The following BRME1 variants were observed in gnomAD, a reference collection of about 807,000 sequenced individuals.
BRME1 encodes the protein BRCA2 and MEILB2-associating protein 1.
A neutral mutation model predicts 52.6 loss-of-function variants in BRME1; 31 were observed. The ratio of observed to expected loss-of-function variants is 0.59; its 90% CI spans 0.44 to 0.80. BRME1 has a LOEUF of 0.80. Ranked by LOEUF, BRME1 falls within the 30% of genes least tolerant of loss-of-function variation. BRME1 has a pLI of 0.00. For missense variants in BRME1, 804 were observed against 860.3 expected (o/e 0.93, Z 0.82); for synonymous variants, 359 against 353.6 (o/e 1.02, Z -0.17).
chr19:13,901,176 T>C (rs1970270094), intron 2 of BRME1, among the ~76,000 whole-genome samples: 1 of 151,300 alleles, frequency 6.6e-6, no homozygotes, highest in Non-Finnish European at 1.5e-5. Context: ...TGGGTAACAT[T>C]ATGTTGCTCA....
intron 3 of BRME1, among the ~76,000 whole-genome samples, chr19:13,894,913 C>T (rs929578647): frequency 1.3e-5 from 2 of 152,034 alleles, no homozygotes; most frequent in African/African-American, 4.8e-5. Context: ...GATGGAGTCT[C>T]GCTGTTGCCC....
intron 3 of BRME1, 107 bp from the exon 4 acceptor site, chr19:13,893,330 G>C: frequency 1.1e-6 from 1 of 901,012 alleles, no homozygotes. Context: ...CCGAGGCCAG[G>C]AGTTCGAGAC....
chr19:13,890,376 C>T lies in BRME1; in HGVS notation c.480G>A (p.Glu160=). 1 of 1,546,944 alleles carries T rather than the reference C, an allele frequency of 6.5e-7. No homozygotes were observed. ...TLGVPLQEAT[E]LGDPTQADSA... is the part of the protein sequence containing the mutation. ...TGTCTGCCTGCGTTGGGTCCCCCAG[C>T]TCCGTGGCCTCCTGGAGGGGGACCC... Residue 160 remains glutamate, a synonymous_variant, in exon 6 of 9, where the codon GAG becomes GAA. Transcript: ENST00000586783.
intron 3 of BRME1, 29 bp from the exon 4 acceptor site, chr19:13,893,252 G>A (rs1242360263): frequency 6.5e-7 from 1 of 1,549,090 alleles, no homozygotes; most frequent in Non-Finnish European, 8.7e-7. Flanking sequence ...AACTGAAGGA[G>A]ATCTGCCCGG....
chr19:13,882,664 T>C lies in BRME1; in HGVS notation c.*138A>G. On this transcript the variant is annotated 3_prime_UTR_variant, in exon 9 of 9. Transcript: ENST00000586783. ...GAGGCCAGGACCTCACGGCCTCCTT[T>C]GTGTTGTCCATGGAAGACCAACTTC... 2.6e-6 allele frequency: 3 copies of C among 1,154,224 alleles called. No homozygotes were observed. The highest frequency in any genetic ancestry group is 2.9e-5 in the South Asian group (2 of 69,156). The allele number at this position is 1,154,224 out of a possible 1,614,324, so 71.5% of individuals were successfully genotyped here.
chr19:13,901,201 T>G (rs546009999), intron 2 of BRME1, among the ~76,000 whole-genome samples: 10 of 151,598 alleles, frequency 6.6e-5, no homozygotes, highest in African/African-American at 2.4e-4. Flanking sequence ...GGTCATGAAC[T>G]CCTGGTCTCA....
At position 13,883,009 on chromosome 19, in the gene BRME1, G is replaced by T; in HGVS notation, c.1857-57C>A. 2 of 1,576,420 alleles carry T rather than the reference G, an allele frequency of 1.3e-6. No homozygotes were observed. The highest frequency in any genetic ancestry group is 1.7e-6 in the Non-Finnish European group (2 of 1,162,652). On this transcript the variant is annotated intron_variant, in intron 8 of 8. Coordinates refer to ENST00000586783, the MANE Select transcript of BRME1 (RefSeq NM_001345843.2). The surrounding 1 kb of genome is among the most constrained non-coding windows in gnomAD (Gnocchi z 4.2). ...CTCAGTGGTCACCAGGTGACAGAGGGGGCCGCGCCTCACAGCCACATGGTC... is the reference window on the plus strand; with the variant it reads ...CTCAGTGGTCACCAGGTGACAGAGGTGGCCGCGCCTCACAGCCACATGGTC...
intron 2 of BRME1, among the ~76,000 whole-genome samples, chr19:13,896,226 C>T (rs141425154): frequency 0.015 from 2,329 of 151,266 alleles, 31 homozygotes; most frequent in Non-Finnish European, 0.022. Flanking sequence ...GCTGAGATTG[C>T]GCTACTGCAC....
At chr19:13,896,430 T>C (rs1181172604) in intron 2 of BRME1, among the ~76,000 whole-genome samples, 1 of 146,898 alleles carries the variant, frequency 6.8e-6, no homozygotes, top group African/African-American at 2.5e-5. Flanking sequence ...GATATATTAA[T>C]ATATTATAAA....
intron 2 of BRME1, among the ~76,000 whole-genome samples, chr19:13,903,393 C>T (rs1242518855): frequency 1.3e-5 from 2 of 152,060 alleles, no homozygotes; most frequent in African/African-American, 4.8e-5. Context: ...AGTCTCTAGG[C>T]CGGGCACGGT....
At chr19:13,901,527 C>T (rs1338794236) in intron 2 of BRME1, among the ~76,000 whole-genome samples, 1 of 151,374 alleles carries the variant, frequency 6.6e-6, no homozygotes, top group Non-Finnish European at 1.5e-5. Flanking sequence ...GGTGAAACCC[C>T]GTCTCTACTA....
In BRME1 at chr19:13,889,431, C is replaced by A. The variant is rs781297249; in HGVS notation, c.1425G>T (p.Val475=). Residue 475 remains valine (V), a synonymous_variant, in exon 6 of 9, where the codon GTG becomes GTT. Coordinates refer to ENST00000586783, the MANE Select transcript of BRME1 (RefSeq NM_001345843.2). Reference sequence around the variant, plus strand: ...CCAGCACAACAGAGGCTTGCGGGGACACACGGAACCCCTCGAGGTCTCGTT... The same window carrying A: ...CCAGCACAACAGAGGCTTGCGGGGAAACACGGAACCCCTCGAGGTCTCGTT... The part of the protein sequence containing the change: ...NLERDLEGFR[V]SPQASVVLEH... 6.2e-7 allele frequency: 1 copy of A among 1,613,996 alleles called. No individual in the cohort carries two copies.
Position 13,883,432 on chromosome 19 carries a change from C to T in BRME1, c.1764-32G>A. ...AGCAGGGAAGGAAATTGAGAGTGGC[C>T]CGACCTCACTGGACTACCAGAGCTC... On this transcript the variant is annotated intron_variant, in intron 7 of 8. Transcript: ENST00000586783. This position sits in a 1 kb window ranked among gnomAD's most constrained non-coding sequence, Gnocchi z 4.2. The T allele has an allele frequency of 1.3e-6, 2 of 1,483,602 alleles. No individual in the cohort carries two copies. The highest frequency in any genetic ancestry group is 1.2e-5 in the South Asian group (1 of 83,046). The allele number at this position is 1,483,602 out of a possible 1,614,324, so 91.9% of individuals were successfully genotyped here. A position where few individuals can be genotyped will look rare whatever the true frequency, so the allele number is the denominator to read the frequency against.
chr19:13,891,720 C>T (rs1195982342), intron 5 of BRME1, among the ~76,000 whole-genome samples: 4 of 151,756 alleles, frequency 2.6e-5, no homozygotes, highest in East Asian at 2.0e-4. Flanking sequence ...CCTCCTGCCT[C>T]GGCCTCCCAA....
intron 2 of BRME1, among the ~76,000 whole-genome samples, chr19:13,898,786 G>A (rs1970088107): frequency 6.6e-6 from 1 of 151,576 alleles, no homozygotes; most frequent in Non-Finnish European, 1.5e-5. Context: ...AGCCGGGCAT[G>A]GTGGCTCATG....
Position 13,904,260 on chromosome 19 carries a change from C to T in BRME1, c.31+602G>A, listed in dbSNP as rs141263487. ...CTGGGACTACAGGTGCCTGCCACCA[C>T]GCCCAGCTAATTTCCTTACTTTACA... is the stretch of plus-strand genomic sequence containing the variant. On this transcript the variant is annotated intron_variant, in intron 2 of 8. Transcript: ENST00000586783. 2.5e-3 allele frequency among the ~76,000 whole-genome samples: 384 copies of T among 152,056 alleles called. 2 individuals carry two copies. Among genetic ancestry groups the T allele is most frequent in the South Asian group, 0.011 (52 of 4,804 alleles).
rs984954527 is a variant in BRME1 at position 13,882,501 on chromosome 19, A to T, written c.*301T>A. On this transcript the variant is annotated 3_prime_UTR_variant, in exon 9 of 9. Transcript: ENST00000586783. ...TTGGCTCAGGACCCTAAAATTTGCA[A>T]ATCCGGACAGGATGGGCCCTGCTCA... 2.1e-6 allele frequency: 1 copy of T among 468,172 alleles called. No individual in the cohort carries two copies. The highest frequency in any genetic ancestry group is 3.7e-6 in the Non-Finnish European group (1 of 267,248). 29.0% of individuals were successfully genotyped at this position (468,172 alleles called of 1,614,324 possible). A position where few individuals can be genotyped will look rare whatever the true frequency, so the allele number is the denominator to read the frequency against.
intron 2 of BRME1, among the ~76,000 whole-genome samples, chr19:13,900,366 A>G (rs1054687756): frequency 6.6e-6 from 1 of 152,128 alleles, no homozygotes; most frequent in Admixed American, 6.6e-5. Context: ...TGAGCTGGGG[A>G]GTCTACCGCC....
rs372610412 is a variant in BRME1, at chr19:13,893,768, T to C, written c.207-545A>G. On this transcript the variant is annotated intron_variant, in intron 3 of 8. Coordinates refer to ENST00000586783, the MANE Select transcript of BRME1 (RefSeq NM_001345843.2). ...CCCTTTTCTACAAAAAATTTAAAAA[T>C]TAGCTGGACGTGGTGATGTGTGCCT... Among the ~76,000 whole-genome samples the C allele has an allele frequency of 6.6e-5, 10 of 151,886 alleles. No homozygotes were observed. In the South Asian group the frequency reaches 1.7e-3, roughly 25 times the overall value.
Sources: allele counts gnomAD v4.1 joint callset (sites outside exome capture counted in the v4.1 genomes callset), GRCh38; gene constraint gnomAD v4.1.1; non-coding constraint Gnocchi (gnomAD v3.1); transcripts MANE v1.5; gene names NCBI Gene and HGNC (gene_info 2026-07-23, HGNC 2026-07-21).